SNX13: variants seen among roughly 807,000 people sequenced by gnomAD.
SNX13 encodes the protein sorting nexin-13.
Under a neutral mutation model 133.6 loss-of-function variants are expected in SNX13, and 45 were observed. The observed-to-expected ratio is 0.34, with a 90% CI of 0.27 to 0.43. The LOEUF (loss-of-function observed/expected upper bound fraction) is 0.43, where lower values mean the gene tolerates loss of function less well. SNX13 is among the 20% of genes least tolerant of loss of function. SNX13 has a pLI of 1.00. For synonymous variants in SNX13, 414 were observed against 373.9 expected (o/e 1.11, Z -1.24); for missense variants, 1,032 against 1,145.1 (o/e 0.90, Z 1.43).
chr7:17,861,042 G>A (rs1305313690), intron 9 of SNX13, among the ~76,000 whole-genome samples: 1 of 151,888 alleles, frequency 6.6e-6, no homozygotes, highest in Non-Finnish European at 1.5e-5. Context: ...TTGTGATGGG[G>A]TCTTGCTCTG....
At chr7:17,923,016 AT>A (rs1211185078) in intron 1 of SNX13, among the ~76,000 whole-genome samples, 3 of 152,206 alleles carry the variant, frequency 2.0e-5, no homozygotes, top group African/African-American at 7.2e-5. Flanking sequence ...ATAATATTTT[AT>A]TTTTAGATAG....
intron 1 of SNX13, among the ~76,000 whole-genome samples, chr7:17,932,196 A>C (rs192713450): frequency 1.1e-3 from 167 of 152,334 alleles, no homozygotes; most frequent in Non-Finnish European, 2.1e-3. Flanking sequence ...CATAATATCA[A>C]GTAGTAAGAG....
chr7:17,864,869 C>A (rs147957635), intron 9 of SNX13, among the ~76,000 whole-genome samples: 1 of 151,896 alleles, frequency 6.6e-6, no homozygotes, highest in Non-Finnish European at 1.5e-5. Flanking sequence ...GCAAATAACA[C>A]AAAGGAGCTC....
Position 17,811,113 on chromosome 7 carries a change from A to G in SNX13, c.2064+3721T>C, listed in dbSNP as rs1050973283. On this transcript the variant is annotated intron_variant, in intron 20 of 25. Transcript: ENST00000428135. ...CGGCACAAGGATACCCTCTCTCACC[A>G]CTCCTGTTCAACACAGTATTGGAAG... is the stretch of plus-strand genomic sequence containing the variant. 2.0e-5 allele frequency among the ~76,000 whole-genome samples: 3 copies of G among 151,916 alleles called. No homozygotes were observed. The South Asian group carries it at 6.2e-4, about 32-fold the overall frequency.
intron 1 of SNX13, among the ~76,000 whole-genome samples, chr7:17,903,541 T>A (rs1489850702): frequency 2.0e-5 from 3 of 152,228 alleles, no homozygotes; most frequent in Non-Finnish European, 2.9e-5. Flanking sequence ...CTTCATTTCC[T>A]CACCTATGTC....
intron 9 of SNX13, among the ~76,000 whole-genome samples, chr7:17,859,042 G>C (rs1792288048): frequency 1.3e-5 from 2 of 151,966 alleles, no homozygotes; most frequent in Admixed American, 1.3e-4. Context: ...AACAAACAAG[G>C]ATTTCCTAGA....
intron 17 of SNX13, among the ~76,000 whole-genome samples, chr7:17,822,497 T>C (rs1395745652): frequency 5.3e-5 from 8 of 152,178 alleles, no homozygotes. Flanking sequence ...GAGTTTTATT[T>C]GGTTCTTTTT....
At chr7:17,863,888 G>A (rs1168901936) in intron 9 of SNX13, among the ~76,000 whole-genome samples, 1 of 152,144 alleles carries the variant, frequency 6.6e-6, no homozygotes, top group African/African-American at 2.4e-5. Context: ...GGTAACCTAG[G>A]GAATTCTCCT....
intron 9 of SNX13, among the ~76,000 whole-genome samples, chr7:17,860,083 T>G (rs1436648163): frequency 6.6e-6 from 1 of 152,162 alleles, no homozygotes; most frequent in Non-Finnish European, 1.5e-5. Flanking sequence ...CCAAAGTGTC[T>G]GCACCATTTT....
At position 17,801,009 on chromosome 7, in the gene SNX13, CATATATATATATATAT is replaced by C. The variant is rs71010273; in HGVS notation, c.2298+563_2298+578del. 3.0e-3 allele frequency among the ~76,000 whole-genome samples: 355 copies of C among 120,140 alleles called. 3 individuals are homozygous for C. The highest frequency in any genetic ancestry group is 8.2e-3 in the Middle Eastern group (2 of 244). The allele number at this position is 120,140 out of a possible 152,430, so 78.8% of individuals were successfully genotyped here. On this transcript the variant is annotated intron_variant, in intron 22 of 25. Transcript: ENST00000428135. ...CTTGGCAGTATCTACTAAAACTGAACATATATATATATATATATATATATATATATATATATATATA... is the reference window on the plus strand; with the variant it reads ...CTTGGCAGTATCTACTAAAACTGAACATATATATATATATATATATATATA...
chr7:17,830,186 T>C (rs1008288943), intron 15 of SNX13, 139 bp from the exon 16 acceptor site: 7 of 1,010,246 alleles, frequency 6.9e-6, no homozygotes, highest in Non-Finnish European at 8.8e-6. Flanking sequence ...AAAAAAAAAT[T>C]GTGGATACTC....
chr7:17,925,027 G>A (rs757780398), intron 1 of SNX13, among the ~76,000 whole-genome samples: 1 of 152,016 alleles, frequency 6.6e-6, no homozygotes, highest in Non-Finnish European at 1.5e-5. Flanking sequence ...GGCCAACATG[G>A]TTGAAACCCC....
rs985290784 is a variant in SNX13, at chr7:17,792,012, A to G, written c.*2033T>C. 1 of 152,122 alleles carries G rather than the reference A, an allele frequency of 6.6e-6. No individual in the cohort carries two copies. Among genetic ancestry groups the G allele is most frequent in the African/African-American group, 2.4e-5 (1 of 41,448 alleles). 9.4% of individuals were successfully genotyped at this position (152,122 alleles called of 1,614,324 possible). On this transcript the variant is annotated 3_prime_UTR_variant, in exon 26 of 26. Coordinates refer to ENST00000428135, the MANE Select transcript of SNX13 (RefSeq NM_015132.5). ...GCAGGGCTCTATTTTGAAAATTTGC[A>G]ATATTACATGACCTTTATTTCCCTA...
At position 17,792,145 on chromosome 7, in the gene SNX13, A is replaced by G. The variant is rs1783606874; in HGVS notation, c.*1900T>C. On this transcript the variant is annotated 3_prime_UTR_variant, in exon 26 of 26. Coordinates refer to ENST00000428135, the MANE Select transcript of SNX13 (RefSeq NM_015132.5). ...ACTGTTAGATTTATTCATGTCAAAA[A>G]TATATTTGAAATGGGCAGAGGCATA... The G allele has an allele frequency of 6.6e-6, 1 of 152,046 alleles. No individual in the cohort carries two copies. The highest frequency in any genetic ancestry group is 2.4e-5 in the African/African-American group (1 of 41,418). The allele number at this position is 152,046 out of a possible 1,614,324, so 9.4% of individuals were successfully genotyped here. A position where few individuals can be genotyped will look rare whatever the true frequency, so the allele number is the denominator to read the frequency against.
intron 12 of SNX13, among the ~76,000 whole-genome samples, chr7:17,843,864 G>T (rs1019560731): frequency 5.3e-5 from 8 of 151,750 alleles, no homozygotes; most frequent in Admixed American, 3.9e-4. Flanking sequence ...ACAACCAATG[G>T]ATCAAAGAAG....
intron 2 of SNX13, among the ~76,000 whole-genome samples, chr7:17,896,042 G>A (rs2714871): frequency 0.3 from 45,529 of 151,924 alleles, 7,452 homozygotes; most frequent in East Asian, 0.59. Context: ...ATGCAGCCTC[G>A]ACTCTGAGAG....
At chr7:17,916,415 T>G (rs1262948510) in intron 1 of SNX13, among the ~76,000 whole-genome samples, 2 of 152,128 alleles carry the variant, frequency 1.3e-5, no homozygotes, top group African/African-American at 2.4e-5. Flanking sequence ...GATCATTAGC[T>G]AGCTAAGCAA....
rs142863068 is a variant in SNX13, at chr7:17,814,606, C to T, written c.2064+228G>A. On this transcript the variant is annotated intron_variant, in intron 20 of 25. Coordinates refer to ENST00000428135, the MANE Select transcript of SNX13 (RefSeq NM_015132.5). ...GCAAACTTTTCTTAATGTACCATTT[C>T]AAATTTTTTATTTCTTCCTTTCAAG... Among the ~76,000 whole-genome samples, 748 of 152,142 alleles carry T rather than the reference C, an allele frequency of 4.9e-3. 5 individuals carry two copies. The highest frequency in any genetic ancestry group is 0.017 in the African/African-American group (719 of 41,506).
At position 17,863,360 on chromosome 7, in the gene SNX13, A is replaced by G. The variant is rs190870199; in HGVS notation, c.837+5047T>C. ...TAACACCAGCTATGGTGGCCAGCAG[A>G]GTGTCTGTGTCATCCCTCCACCACT... On this transcript the variant is annotated intron_variant, in intron 9 of 25. Coordinates refer to ENST00000428135, the MANE Select transcript of SNX13 (RefSeq NM_015132.5). Among the ~76,000 whole-genome samples the G allele has an allele frequency of 2.8e-3, 433 of 152,166 alleles. 12 individuals are homozygous for G. The highest frequency in any genetic ancestry group is 0.026 in the Admixed American group (393 of 15,282).
Sources: gnomAD v4.1 joint callset for allele counts (sites outside exome capture counted in the v4.1 genomes callset) on GRCh38, gnomAD v4.1.1 for gene constraint, MANE v1.5 for transcripts, NCBI Gene and HGNC (gene_info 2026-07-23, HGNC 2026-07-21) for gene names.